Variants in SIPA1L3 observed in about 807,000 individuals in gnomAD.
SIPA1L3 encodes the protein signal-induced proliferation-associated 1-like protein 3.
In SIPA1L3, 59 loss-of-function variants were observed where a neutral mutation model predicts 150.1. The ratio of observed to expected loss-of-function variants is 0.39; its 90% CI spans 0.32 to 0.49. SIPA1L3 has a LOEUF of 0.49. Ranked by LOEUF, SIPA1L3 falls within the 20% of genes least tolerant of loss-of-function variation. The pLI is 0.86. For synonymous variants in SIPA1L3, 1,070 were observed against 1,077.6 expected (o/e 0.99, Z 0.14); for missense variants, 2,211 against 2,489.5 (o/e 0.89, Z 2.38).
intron 10 of SIPA1L3, among the ~76,000 whole-genome samples, chr19:38,135,593 A>G (rs1971418750): frequency 6.6e-6 from 1 of 152,194 alleles, no homozygotes; most frequent in Non-Finnish European, 1.5e-5. Flanking sequence ...AGGCAAAGAA[A>G]AGTCTGCAGT....
chr19:38,110,084 A>T (rs1292368110), intron 7 of SIPA1L3, 143 bp from the exon 8 acceptor site: 2 of 752,348 alleles, frequency 2.7e-6, no homozygotes, highest in African/African-American at 4.0e-5. Flanking sequence ...AAGGTTTGTC[A>T]CCTGACTCGG....
chr19:38,005,357 C>T (rs12460657), intron 1 of SIPA1L3, among the ~76,000 whole-genome samples: 46,531 of 151,810 alleles, frequency 0.31, 7,948 homozygotes, highest in East Asian at 0.71. Context: ...CCCCCACTCC[C>T]GCCTCATCCT....
At chr19:38,188,219 T>A (rs1032596561) in intron 16 of SIPA1L3, among the ~76,000 whole-genome samples, 7 of 151,650 alleles carry the variant, frequency 4.6e-5, no homozygotes, top group Admixed American at 1.3e-4. Flanking sequence ...AGGGTTTCAC[T>A]CTGTTGCCCA....
chr19:38,088,422 A>G (rs1232144821), intron 3 of SIPA1L3, among the ~76,000 whole-genome samples: 1 of 152,218 alleles, frequency 6.6e-6, no homozygotes, highest in African/African-American at 2.4e-5. Flanking sequence ...TTGTAGCTTC[A>G]TTTTTGCCTT....
At chr19:38,153,883 G>A (rs1022081133) in intron 13 of SIPA1L3, among the ~76,000 whole-genome samples, 5 of 152,010 alleles carry the variant, frequency 3.3e-5, no homozygotes, top group East Asian at 1.9e-4. Context: ...GCAGTGAGCC[G>A]AGATCGAGTC....
chr19:38,141,508 C>G, intron 11 of SIPA1L3, 73 bp downstream of exon 11: 1 of 1,459,578 alleles, frequency 6.9e-7, no homozygotes, highest in Non-Finnish European at 9.3e-7. Flanking sequence ...CCCTCCCTCT[C>G]CTCACTATTT....
chr19:38,138,381 C>T (rs1416712961), intron 10 of SIPA1L3, among the ~76,000 whole-genome samples: 1 of 152,142 alleles, frequency 6.6e-6, no homozygotes, highest in African/African-American at 2.4e-5. Flanking sequence ...CTGATCAGGA[C>T]TCTGCGTACC....
At chr19:38,174,685 A>G (rs1004667323) in intron 15 of SIPA1L3, among the ~76,000 whole-genome samples, 3 of 152,110 alleles carry the variant, frequency 2.0e-5, no homozygotes, top group African/African-American at 4.8e-5. Context: ...CCCCGCCTCT[A>G]CTAAAAATAC....
chr19:38,078,561 CAGACATACACAG>C lies in SIPA1L3; in HGVS notation c.-310-2689_-310-2678del, dbSNP rs1969906538. Reference sequence around the variant, plus strand: ...ACACGCACACACACAGACACGCACACAGACATACACAGAGACACGCACACACACACAGACACA... The same window carrying C: ...ACACGCACACACACAGACACGCACACAGACACGCACACACACACAGACACA... On this transcript the variant is annotated intron_variant, in intron 2 of 21. Transcript: ENST00000222345. Among the ~76,000 whole-genome samples, 3 of 151,378 alleles carry C rather than the reference CAGACATACACAG, an allele frequency of 2.0e-5. No homozygotes were observed. In the South Asian group the frequency reaches 6.3e-4, roughly 32 times the overall value.
intron 1 of SIPA1L3, among the ~76,000 whole-genome samples, chr19:37,938,570 C>T (rs1331497721): frequency 6.6e-6 from 1 of 151,432 alleles, no homozygotes; most frequent in Non-Finnish European, 1.5e-5. Context: ...CATGTTTCTC[C>T]TTCTGGATAT....
At chr19:37,928,488 T>A (rs747123712) in intron 1 of SIPA1L3, among the ~76,000 whole-genome samples, 6 of 152,138 alleles carry the variant, frequency 3.9e-5, no homozygotes, top group South Asian at 2.1e-4. Context: ...GGAGAATTGC[T>A]TGAACCTGGG....
chr19:38,177,434 A>C (rs1168425312), intron 15 of SIPA1L3, among the ~76,000 whole-genome samples: 2 of 151,834 alleles, frequency 1.3e-5, no homozygotes, highest in African/African-American at 4.8e-5. Flanking sequence ...GCTCTCAGAG[A>C]GGCAGAGGCA....
chr19:38,035,741 T>TGGTGGTGGC (rs749457494), intron 2 of SIPA1L3, among the ~76,000 whole-genome samples: 4 of 151,578 alleles, frequency 2.6e-5, no homozygotes, highest in African/African-American at 7.3e-5. Flanking sequence ...GATGAGATGA[T>TGGTGGTGGC]GGTGGTGGCG....
chr19:38,055,152 A>G (rs1969287962), intron 2 of SIPA1L3, among the ~76,000 whole-genome samples: 1 of 152,136 alleles, frequency 6.6e-6, no homozygotes, highest in South Asian at 2.1e-4. Flanking sequence ...TGATCTGGTA[A>G]GACCTCCATC....
At chr19:38,140,583 G>T (rs1971552718) in intron 10 of SIPA1L3, among the ~76,000 whole-genome samples, 1 of 152,142 alleles carries the variant, frequency 6.6e-6, no homozygotes, top group African/African-American at 2.4e-5. Context: ...TGGCAGCCGT[G>T]TGGCCTGGGT....
intron 15 of SIPA1L3, among the ~76,000 whole-genome samples, chr19:38,179,630 TC>T (rs1972515366): frequency 2.0e-5 from 3 of 152,200 alleles, no homozygotes; most frequent in South Asian, 2.1e-4. Context: ...GCTCTGTTTA[TC>T]ATAAACATCC....
chr19:37,985,972 G>A (rs1203706402), intron 1 of SIPA1L3, among the ~76,000 whole-genome samples: 1 of 152,246 alleles, frequency 6.6e-6, no homozygotes, highest in Non-Finnish European at 1.5e-5. Flanking sequence ...CGAGCAAAGC[G>A]GTGGCGCTTT....
Position 38,141,246 on chromosome 19 carries a change from C to T in SIPA1L3, c.3206C>T (p.Thr1069Ile). Residue 1069 changes from threonine to isoleucine, a missense_variant, in exon 11 of 22, where the codon ACT (threonine) becomes ATT (isoleucine). Transcript: ENST00000222345. ...CCCAAGACGGAGCAGGAAAGCATCACTCCTGGGGGCCGGCCCCCCTACCGC... is the reference window on the plus strand; with the variant it reads ...CCCAAGACGGAGCAGGAAAGCATCATTCCTGGGGGCCGGCCCCCCTACCGC... ...SEPKTEQESITPGGRPPYRSN... is the reference protein window; with the variant it reads ...SEPKTEQESIIPGGRPPYRSN... 2 of 1,613,682 alleles carry T rather than the reference C, an allele frequency of 1.2e-6. No individual in the cohort carries two copies. The highest frequency in any genetic ancestry group is 1.1e-5 in the South Asian group (1 of 91,054).
At chr19:38,198,653 G>C in intron 19 of SIPA1L3, 121 bp downstream of exon 19, 1 of 1,024,570 alleles carries the variant, frequency 9.8e-7, no homozygotes, top group Non-Finnish European at 1.3e-6. Context: ...AGGGAGCAGG[G>C]TTCAAGTCCT....
Sources: allele counts gnomAD v4.1 joint callset (sites outside exome capture counted in the v4.1 genomes callset), GRCh38; gene constraint gnomAD v4.1.1; transcripts MANE v1.5; gene names NCBI Gene and HGNC (gene_info 2026-07-23, HGNC 2026-07-21).